CAPZB: variants seen among roughly 807,000 people sequenced by gnomAD.
The protein encoded by CAPZB is F-actin-capping protein subunit beta.
CAPZB carries 2 observed loss-of-function variants against 38.1 expected under a neutral mutation model. The ratio of observed to expected loss-of-function variants is 0.05; its 90% CI spans 0.02 to 0.17. The LOEUF is 0.17. Ranked by LOEUF, CAPZB falls within the 10% of genes least tolerant of loss-of-function variation. CAPZB has a pLI of 1.00. For synonymous variants in CAPZB, 107 were observed against 127.4 expected, an observed-to-expected ratio of 0.84 and a Z score of 1.08; for missense variants, 161 against 334.2, an observed-to-expected ratio of 0.48 and a Z score of 4.04.
At chr1:19,375,845 A>G (rs1171277692) in intron 4 of CAPZB, among the ~76,000 whole-genome samples, 1 of 152,246 alleles carries the variant, frequency 6.6e-6, no homozygotes, top group Non-Finnish European at 1.5e-5. Flanking sequence ...GCCAAATGGA[A>G]TAACTCCCAC....
intron 1 of CAPZB, among the ~76,000 whole-genome samples, chr1:19,470,028 T>C (rs1385510160): frequency 1.3e-5 from 2 of 152,128 alleles, no homozygotes; most frequent in Non-Finnish European, 2.9e-5. Flanking sequence ...GAGACCAGAC[T>C]GGGCAACACG....
At chr1:19,378,751 G>A (rs2094156694) in intron 3 of CAPZB, 98 bp from the exon 4 acceptor site, 8 of 688,692 alleles carry the variant, frequency 1.2e-5, no homozygotes, top group Non-Finnish European at 2.0e-5. Flanking sequence ...AAATCTCGGA[G>A]GCAAAGCCGC....
chr1:19,442,400 T>G (rs2100646721), intron 1 of CAPZB, among the ~76,000 whole-genome samples: 1 of 152,256 alleles, frequency 6.6e-6, no homozygotes, highest in South Asian at 2.1e-4. Context: ...GGAGGATAAC[T>G]GCTGAAGTTG....
chr1:19,415,128 C>T (rs2094373432), intron 2 of CAPZB, among the ~76,000 whole-genome samples: 1 of 152,356 alleles, frequency 6.6e-6, no homozygotes, highest in East Asian at 1.9e-4. Flanking sequence ...GTTCCCTGGC[C>T]CTGACATCTT....
At chr1:19,433,427 T>A (rs763699189) in intron 1 of CAPZB, among the ~76,000 whole-genome samples, 3 of 152,186 alleles carry the variant, frequency 2.0e-5, no homozygotes, top group Non-Finnish European at 4.4e-5. Context: ...CCTTTTTTCA[T>A]AGCAGAAGCA....
At chr1:19,457,152 C>G (rs1340422) in intron 1 of CAPZB, among the ~76,000 whole-genome samples, 1 of 152,142 alleles carries the variant, frequency 6.6e-6, no homozygotes, top group Non-Finnish European at 1.5e-5. Context: ...ATTAGAGACA[C>G]TCACAAAGGG....
intron 2 of CAPZB, among the ~76,000 whole-genome samples, chr1:19,397,957 G>A (rs749274209): frequency 4.6e-5 from 7 of 152,152 alleles, no homozygotes; most frequent in Non-Finnish European, 8.8e-5. Flanking sequence ...CAACAGCATC[G>A]GGGTCTGTGG....
Position 19,366,283 on chromosome 1 carries a change from A to AATAAATATATATATATATAT in CAPZB, c.330-8721_330-8720insATATATATATATATATTTAT, listed in dbSNP as rs71008151. ...GCAACATAGTGAGACCGTGTCTTAA[A>AATAAATATATATATATATAT]ATATATATATATATATATATATATA... is the stretch of plus-strand genomic sequence containing the variant. On this transcript the variant is annotated intron_variant, in intron 4 of 8. Coordinates refer to ENST00000264202, the MANE Select transcript of CAPZB (RefSeq NM_004930.5). 4.2e-3 allele frequency among the ~76,000 whole-genome samples: 256 copies of AATAAATATATATATATATAT among 60,436 alleles called. 6 individuals are homozygous for AATAAATATATATATATATAT. The highest frequency in any genetic ancestry group is 6.1e-3 in the Non-Finnish European group (178 of 28,954). 39.6% of individuals were successfully genotyped at this position (60,436 alleles called of 152,430 possible). A position where few individuals can be genotyped will look rare whatever the true frequency, so the allele number is the denominator to read the frequency against.
chr1:19,354,562 G>A lies in CAPZB; in HGVS notation c.588+2073C>T, dbSNP rs145304693. ...CTCATTAAAGCCCCCAGAGCAAAAGGCAACGCAAACAAAGTCCGAAGCCCT... is the reference window on the plus strand; with the variant it reads ...CTCATTAAAGCCCCCAGAGCAAAAGACAACGCAAACAAAGTCCGAAGCCCT... On this transcript the variant is annotated intron_variant, in intron 6 of 8. Coordinates refer to ENST00000264202, the MANE Select transcript of CAPZB (RefSeq NM_004930.5). Among the ~76,000 whole-genome samples the A allele has an allele frequency of 3.8e-3, 582 of 152,310 alleles. 4 individuals are homozygous for A. The highest frequency in any genetic ancestry group is 6.7e-3 in the Non-Finnish European group (456 of 68,044).
At chr1:19,445,664 G>GC (rs1300045465) in intron 1 of CAPZB, among the ~76,000 whole-genome samples, 3 of 152,128 alleles carry the variant, frequency 2.0e-5, no homozygotes, top group Admixed American at 6.5e-5. Flanking sequence ...ATATGAAATG[G>GC]CCAGACAGAA....
chr1:19,386,404 T>G (rs1364973583), intron 2 of CAPZB, among the ~76,000 whole-genome samples: 1 of 152,238 alleles, frequency 6.6e-6, no homozygotes, highest in Non-Finnish European at 1.5e-5. Flanking sequence ...CAGAAATGGA[T>G]TCCTTCAGGC....
At chr1:19,390,319 C>T (rs961017655) in intron 2 of CAPZB, among the ~76,000 whole-genome samples, 4 of 152,362 alleles carry the variant, frequency 2.6e-5, no homozygotes, top group Admixed American at 2.0e-4. Flanking sequence ...CTGGCTCTGT[C>T]GCCTCCAAAG....
At chr1:19,342,997 T>C in intron 8 of CAPZB, 2 of 679,400 alleles carry the variant, frequency 2.9e-6, no homozygotes, top group Non-Finnish European at 5.3e-6. Flanking sequence ...GTGGCGGCTC[T>C]GGGGTGTGGA....
chr1:19,388,061 GCTGTTTCCCTTCTC>G (rs1234511161), intron 2 of CAPZB, among the ~76,000 whole-genome samples: 1 of 152,194 alleles, frequency 6.6e-6, no homozygotes, highest in Non-Finnish European at 1.5e-5. Flanking sequence ...CCTGGAGCCA[GCTGTTTCCCTTCTC>G]CTGCCAGGCA....
chr1:19,457,812 A>G (rs1186196228), intron 1 of CAPZB, among the ~76,000 whole-genome samples: 1 of 152,172 alleles, frequency 6.6e-6, no homozygotes, highest in Non-Finnish European at 1.5e-5. Context: ...AAACACAGAA[A>G]CCACTTCAGA....
At chr1:19,400,402 C>T (rs1220804873) in intron 2 of CAPZB, among the ~76,000 whole-genome samples, 1 of 152,196 alleles carries the variant, frequency 6.6e-6, no homozygotes, top group Non-Finnish European at 1.5e-5. Context: ...GGGAAGCAGA[C>T]TGAGCGTGCC....
intron 4 of CAPZB, among the ~76,000 whole-genome samples, chr1:19,371,630 G>A (rs1245009895): frequency 6.6e-6 from 1 of 152,106 alleles, no homozygotes; most frequent in Non-Finnish European, 1.5e-5. Flanking sequence ...GTGAGGGTCA[G>A]AGGCTTTTGG....
chr1:19,385,944 G>T, intron 2 of CAPZB: 1 of 430,254 alleles, frequency 2.3e-6, no homozygotes. Flanking sequence ...CTTGGTATTG[G>T]TCTCTGGTGG....
intron 4 of CAPZB, among the ~76,000 whole-genome samples, chr1:19,372,463 G>C (rs4911986): frequency 1 from 151,929 of 152,322 alleles, 75,768 homozygotes; most frequent in Middle Eastern, 1. Flanking sequence ...TGTGAAAGCT[G>C]GAGCAGGGAA....
Sources: gnomAD v4.1 joint callset for allele counts (sites outside exome capture counted in the v4.1 genomes callset) on GRCh38, gnomAD v4.1.1 for gene constraint, MANE v1.5 for transcripts, NCBI Gene and HGNC (gene_info 2026-07-23, HGNC 2026-07-21) for gene names.